LAMC1: variants seen among roughly 807,000 people sequenced by gnomAD.
The protein encoded by LAMC1 is laminin subunit gamma-1.
Under a neutral mutation model 173.6 loss-of-function variants are expected in LAMC1, and 38 were observed. The ratio of observed to expected loss-of-function variants is 0.22; its 90% CI spans 0.17 to 0.29. LAMC1 has a LOEUF of 0.29. Ranked by LOEUF, LAMC1 falls within the 10% of genes least tolerant of loss-of-function variation. The probability of loss-of-function intolerance (pLI) is 1.00; values close to 1 mark genes in which losing one functional copy is unlikely to be tolerated. For missense variants in LAMC1, 1,824 were observed against 2,051.8 expected, an observed-to-expected ratio of 0.89 and a Z score of 2.14; for synonymous variants, 746 against 749.1, an observed-to-expected ratio of 1.00 and a Z score of 0.07.
At chr1:183,114,199 G>A (rs147887969) in intron 4 of LAMC1, among the ~76,000 whole-genome samples, 61 of 152,188 alleles carry the variant, frequency 4.0e-4, no homozygotes, top group African/African-American at 1.4e-3. Context: ...CCTACCAAGT[G>A]GCTGGGATTA....
chr1:183,121,434 A>AAT (rs1260834881), intron 11 of LAMC1, among the ~76,000 whole-genome samples: 4 of 152,118 alleles, frequency 2.6e-5, no homozygotes, highest in East Asian at 1.9e-4. Flanking sequence ...TCAATAAATA[A>AAT]ATATATATAT....
At chr1:183,090,540 C>T (rs1340727087) in intron 1 of LAMC1, among the ~76,000 whole-genome samples, 1 of 152,184 alleles carries the variant, frequency 6.6e-6, no homozygotes, top group African/African-American at 2.4e-5. Context: ...GAGAGAGTGC[C>T]AGCTGGCAGG....
chr1:183,056,130 A>G (rs1654588585), intron 1 of LAMC1, among the ~76,000 whole-genome samples: 1 of 152,224 alleles, frequency 6.6e-6, no homozygotes, highest in Non-Finnish European at 1.5e-5. Flanking sequence ...CAGTGGTTAG[A>G]GCATGGGCTG....
intron 1 of LAMC1, among the ~76,000 whole-genome samples, chr1:183,036,209 C>A (rs982968923): frequency 6.6e-6 from 1 of 150,922 alleles, no homozygotes; most frequent in South Asian, 2.1e-4. Flanking sequence ...AGTGATTCTT[C>A]TGCCTCAGCC....
intron 1 of LAMC1, among the ~76,000 whole-genome samples, chr1:183,080,136 C>T (rs1418925450): frequency 6.6e-6 from 1 of 152,088 alleles, no homozygotes; most frequent in East Asian, 1.9e-4. Flanking sequence ...CCCAGCTACT[C>T]TGGAGGCTGA....
chr1:183,059,031 A>G (rs1471047645), intron 1 of LAMC1, among the ~76,000 whole-genome samples: 1 of 152,222 alleles, frequency 6.6e-6, no homozygotes, highest in Non-Finnish European at 1.5e-5. Flanking sequence ...ATGATATGAC[A>G]GGCTCTGTTT....
At chr1:183,079,059 C>T (rs761688834) in intron 1 of LAMC1, among the ~76,000 whole-genome samples, 8 of 151,940 alleles carry the variant, frequency 5.3e-5, no homozygotes, top group Non-Finnish European at 1.2e-4. Context: ...CTCTGTCCTG[C>T]TCTCTGGGAG....
At chr1:183,138,591 A>G (rs909083916) in intron 26 of LAMC1, 1 of 152,184 alleles carries the variant, frequency 6.6e-6, no homozygotes, top group African/African-American at 2.4e-5. Context: ...CTTGGGATGG[A>G]AAAAAGAAGT....
At chr1:183,070,715 T>A (rs1571421195) in intron 1 of LAMC1, among the ~76,000 whole-genome samples, 1 of 152,244 alleles carries the variant, frequency 6.6e-6, no homozygotes, top group Middle Eastern at 3.4e-3. Context: ...CCTGCTTGAA[T>A]TCAGTAGGGT....
intron 2 of LAMC1, among the ~76,000 whole-genome samples, chr1:183,105,401 A>G (rs1039563017): frequency 1.4e-5 from 2 of 147,694 alleles, no homozygotes; most frequent in African/African-American, 5.0e-5. Context: ...ATGAGGCAAC[A>G]ATAGAAAGAA....
chr1:183,134,620 G>A (rs753859980), intron 22 of LAMC1, 40 bp from the exon 23 acceptor site: 9 of 1,549,836 alleles, frequency 5.8e-6, no homozygotes, highest in Non-Finnish European at 7.9e-6. Flanking sequence ...TAGTTTAAAT[G>A]TTTTATCCAA....
At chr1:183,073,689 T>A (rs1655063183) in intron 1 of LAMC1, among the ~76,000 whole-genome samples, 1 of 152,214 alleles carries the variant, frequency 6.6e-6, no homozygotes, top group South Asian at 2.1e-4. Flanking sequence ...GGCCTCAAAG[T>A]ACTCATATAT....
chr1:183,083,693 ATATT>A (rs1406040191), intron 1 of LAMC1, among the ~76,000 whole-genome samples: 6 of 152,358 alleles, frequency 3.9e-5, no homozygotes, highest in East Asian at 3.9e-4. Context: ...TATATTTAAA[ATATT>A]TATTCATTTA....
intron 1 of LAMC1, among the ~76,000 whole-genome samples, chr1:183,074,875 C>T (rs1393483585): frequency 1.3e-5 from 2 of 152,166 alleles, no homozygotes; most frequent in Non-Finnish European, 2.9e-5. Context: ...TAACGGAAAC[C>T]TCTTCCATTT....
chr1:183,097,174 C>T (rs1250700228), intron 1 of LAMC1, among the ~76,000 whole-genome samples: 3 of 152,186 alleles, frequency 2.0e-5, no homozygotes, highest in Non-Finnish European at 4.4e-5. Context: ...GTTATGCTAA[C>T]AAAATTGAAA....
intron 1 of LAMC1, among the ~76,000 whole-genome samples, chr1:183,036,767 TTTTTGTTTTG>T (rs754201393): frequency 2.5e-5 from 3 of 119,290 alleles, no homozygotes; most frequent in East Asian, 2.5e-4. Flanking sequence ...TTGTTTTCTT[TTTTTGTTTTG>T]TTTTGTTTTG....
chr1:183,087,152 C>A (rs145091359), intron 1 of LAMC1, among the ~76,000 whole-genome samples: 5 of 152,098 alleles, frequency 3.3e-5, no homozygotes, highest in Non-Finnish European at 7.4e-5. Context: ...CTTATTTTAT[C>A]TATGTATCTT....
chr1:183,129,082 CTTTTTTTTT>C (rs201079710), intron 18 of LAMC1, among the ~76,000 whole-genome samples: 64 of 110,014 alleles, frequency 5.8e-4, no homozygotes, highest in Middle Eastern at 0.011. Flanking sequence ...TCTTCATAAG[CTTTTTTTTT>C]TTTTTTTTTT....
At chr1:183,057,316 A>G (rs952380902) in intron 1 of LAMC1, among the ~76,000 whole-genome samples, 1 of 152,154 alleles carries the variant, frequency 6.6e-6, no homozygotes. Context: ...GAGGGACTTT[A>G]TTTGGTCAGC....
Sources: allele counts gnomAD v4.1 joint callset (sites outside exome capture counted in the v4.1 genomes callset), GRCh38; gene constraint gnomAD v4.1.1; transcripts MANE v1.5; gene names NCBI Gene and HGNC (gene_info 2026-07-23, HGNC 2026-07-21).